The following IL1RAPL1 variants were observed in gnomAD, a reference collection of about 807,000 sequenced individuals.
IL1RAPL1 encodes the protein interleukin 1 receptor accessory protein like 1.
A neutral mutation model predicts 48.4 loss-of-function variants in IL1RAPL1; 3 were observed. The ratio of observed to expected loss-of-function variants is 0.06; its 90% CI spans 0.03 to 0.16. The LOEUF is 0.16. IL1RAPL1 is among the 10% of genes least tolerant of loss of function. The probability of loss-of-function intolerance (pLI) is 1.00; values close to 1 mark genes in which losing one functional copy is unlikely to be tolerated. For synonymous variants in IL1RAPL1, 185 were observed against 187.7 expected (o/e 0.99, Z 0.12); for missense variants, 349 against 530.6 (o/e 0.66, Z 3.36).
chrX:28,749,974 A>T (rs1385470830), intron 1 of IL1RAPL1, among the ~76,000 whole-genome samples: 25 of 106,357 alleles, frequency 2.4e-4, no homozygotes, highest in Admixed American at 2.3e-3. Context: ...TTTTTTTGAG[A>T]TGGAGTCTTA....
At chrX:29,322,540 C>T (rs895908473) in intron 3 of IL1RAPL1, among the ~76,000 whole-genome samples, 1 of 112,493 alleles carries the variant, frequency 8.9e-6, no homozygotes. Context: ...GCTGGGATTA[C>T]AGGCATGAGC....
intron 5 of IL1RAPL1, among the ~76,000 whole-genome samples, chrX:29,662,156 G>T (rs1925864585): frequency 9.0e-6 from 1 of 111,623 alleles, no homozygotes; most frequent in South Asian, 3.7e-4. Context: ...TGAATTCATT[G>T]TCACTCTTTT....
chrX:29,386,565 ACAGGGTCT>A (rs1933780732), intron 3 of IL1RAPL1, among the ~76,000 whole-genome samples: 1 of 99,770 alleles, frequency 1.0e-5, no homozygotes, highest in African/African-American at 3.8e-5. Flanking sequence ...TTTTTTTGAG[ACAGGGTCT>A]CATTCTTTCA....
At chrX:28,655,931 G>T (rs921806483) in intron 1 of IL1RAPL1, among the ~76,000 whole-genome samples, 16 of 111,509 alleles carry the variant, frequency 1.4e-4, no homozygotes, top group Non-Finnish European at 2.3e-4. Context: ...AAAGCAAATT[G>T]GAAACAAAAG....
chrX:28,768,820 GTGTGTA>G (rs1240739844), intron 1 of IL1RAPL1, among the ~76,000 whole-genome samples: 1 of 47,097 alleles, frequency 2.1e-5, no homozygotes, highest in African/African-American at 1.2e-4. Flanking sequence ...TATAATGTGT[GTGTGTA>G]TATATATATA....
At chrX:29,074,516 TAAA>T (rs1328485154) in intron 2 of IL1RAPL1, among the ~76,000 whole-genome samples, 1 of 112,181 alleles carries the variant, frequency 8.9e-6, no homozygotes, top group African/African-American at 3.2e-5. Context: ...TAATAGGACT[TAAA>T]AAATAAAAGC....
At position 29,349,605 on chromosome X, in the gene IL1RAPL1, A is replaced by G. The variant is rs560424927; in HGVS notation, c.363-46653A>G. On this transcript the variant is annotated intron_variant, in intron 3 of 10. Transcript: ENST00000378993. ...GCCCCAACGAGTCTATGACATCCTG[A>G]GGCAGGCAATTCTGTTTGTACCATT... is the stretch of plus-strand genomic sequence containing the variant. Among the ~76,000 whole-genome samples, 96 of 111,526 alleles carry G rather than the reference A, an allele frequency of 8.6e-4. 2 individuals carry two copies. The South Asian group carries it at 0.035, about 40-fold the overall frequency.
At chrX:29,534,537 T>C (rs775300480) in intron 5 of IL1RAPL1, among the ~76,000 whole-genome samples, 24 of 111,687 alleles carry the variant, frequency 2.1e-4, no homozygotes, top group African/African-American at 5.9e-4. Flanking sequence ...TGATAATACA[T>C]AGCCTATATT....
intron 2 of IL1RAPL1, among the ~76,000 whole-genome samples, chrX:28,953,064 ATAGTG>A (rs1361904545): frequency 9.0e-6 from 1 of 111,338 alleles, no homozygotes; most frequent in Non-Finnish European, 1.9e-5. Context: ...TCAAAAAACT[ATAGTG>A]TAGGCATATT....
intron 2 of IL1RAPL1, among the ~76,000 whole-genome samples, chrX:29,243,546 C>T (rs1031459430): frequency 1.8e-5 from 2 of 111,760 alleles, no homozygotes; most frequent in Non-Finnish European, 3.8e-5. Flanking sequence ...TCTCCTGTGG[C>T]GGGACCAACT....
intron 2 of IL1RAPL1, among the ~76,000 whole-genome samples, chrX:28,962,518 A>T (rs1924806428): frequency 9.0e-6 from 1 of 111,349 alleles, no homozygotes; most frequent in Non-Finnish European, 1.9e-5. Flanking sequence ...ATTACATTTG[A>T]TTTTAATTAT....
At chrX:28,638,909 C>G (rs1041057040) in intron 1 of IL1RAPL1, among the ~76,000 whole-genome samples, 36 of 111,040 alleles carry the variant, frequency 3.2e-4, no homozygotes, top group Admixed American at 1.2e-3. Flanking sequence ...GTAATTATAT[C>G]AACATTTTTC....
intron 1 of IL1RAPL1, among the ~76,000 whole-genome samples, chrX:28,737,098 T>G (rs868466104): frequency 1.9e-5 from 2 of 105,296 alleles, no homozygotes; most frequent in Non-Finnish European, 3.9e-5. Flanking sequence ...GTTTTGTTTC[T>G]TTTCTTTTCT....
chrX:29,344,773 G>T (rs1174833727), intron 3 of IL1RAPL1, among the ~76,000 whole-genome samples: 3 of 112,136 alleles, frequency 2.7e-5, no homozygotes, highest in Admixed American at 9.4e-5. Flanking sequence ...CAGTAGCTGG[G>T]ACTACAGGCA....
chrX:29,825,043 T>C (rs1250852047), intron 6 of IL1RAPL1, among the ~76,000 whole-genome samples: 1 of 111,539 alleles, frequency 9.0e-6, no homozygotes, highest in Non-Finnish European at 1.9e-5. Flanking sequence ...TTTAGGTTTT[T>C]CTTTGTTCAG....
chrX:28,721,601 A>C (rs2146940196), intron 1 of IL1RAPL1, among the ~76,000 whole-genome samples: 1 of 111,175 alleles, frequency 9.0e-6, no homozygotes, highest in African/African-American at 3.3e-5. Flanking sequence ...TAGTTTAATT[A>C]GATCCCATTT....
At chrX:29,719,768 A>AAAAG (rs1927586024) in intron 6 of IL1RAPL1, among the ~76,000 whole-genome samples, 1 of 106,486 alleles carries the variant, frequency 9.4e-6, no homozygotes, top group African/African-American at 3.4e-5. Context: ...AAAAAAAAAA[A>AAAAG]TGTGACCTCA....
rs933997071 is a variant in IL1RAPL1 at position 29,573,937 on chromosome X, C to T, written c.704-94493C>T. ...AGAAGAAGTCACAGCTTTGGGTGTT[C>T]CTAGGTGCAGGGACTCTTGATATGG... On this transcript the variant is annotated intron_variant, in intron 5 of 10. Transcript: ENST00000378993. Among the ~76,000 whole-genome samples, 3 of 111,294 alleles carry T rather than the reference C, an allele frequency of 2.7e-5. No individual in the cohort carries two copies. In the South Asian group the frequency reaches 1.2e-3, roughly 43 times the overall value.
intron 6 of IL1RAPL1, among the ~76,000 whole-genome samples, chrX:29,914,710 C>T (rs150116170): frequency 0.01 from 1,110 of 107,261 alleles, 11 homozygotes; most frequent in African/African-American, 0.038. Context: ...AAAACAAAAA[C>T]AAAAACAGTG....
Sources: allele counts gnomAD v4.1 joint callset (sites outside exome capture counted in the v4.1 genomes callset), GRCh38; gene constraint gnomAD v4.1.1; transcripts MANE v1.5; gene names NCBI Gene and HGNC (gene_info 2026-07-23, HGNC 2026-07-21).